Variants in DIAPH2 observed in about 807,000 individuals in gnomAD.
DIAPH2 encodes the protein diaphanous related formin 2.
Under a neutral mutation model 92.7 loss-of-function variants are expected in DIAPH2, and 35 were observed. The ratio of observed to expected loss-of-function variants is 0.38; its 90% CI spans 0.29 to 0.50. The LOEUF is 0.50. Ranked by LOEUF, DIAPH2 falls within the 20% of genes least tolerant of loss-of-function variation. The pLI, the probability that DIAPH2 is intolerant of heterozygous loss-of-function variation, is 0.94. For synonymous variants in DIAPH2, 301 were observed against 280.4 expected (o/e 1.07, Z -0.73); for missense variants, 701 against 819.5 (o/e 0.86, Z 1.77).
At chrX:97,211,013 GAAATATTGTTTTGCT>G (rs764090802) in intron 22 of DIAPH2, among the ~76,000 whole-genome samples, 24 of 111,771 alleles carry the variant, frequency 2.1e-4, no homozygotes, top group Non-Finnish European at 4.5e-4. Flanking sequence ...TTGACAAACT[GAAATATTGTTTTGCT>G]AAAATAGGCC....
At chrX:97,335,683 C>G (rs180834581) in intron 23 of DIAPH2, among the ~76,000 whole-genome samples, 1 of 111,978 alleles carries the variant, frequency 8.9e-6, no homozygotes, top group Non-Finnish European at 1.9e-5. Context: ...TATTTACATA[C>G]TGCATACTCT....
rs2069865156 is a variant in DIAPH2, at chrX:97,410,928, A to G, written c.3146-18722A>G. On this transcript the variant is annotated intron_variant, in intron 25 of 26. Coordinates refer to ENST00000324765, the MANE Select transcript of DIAPH2 (RefSeq NM_006729.5). ...TGTGAAAAGGCGAAATCTACATTTG[A>G]TTGGTGTACCTGAAAGTGACGGGGA... Among the ~76,000 whole-genome samples, 9 of 112,128 alleles carry G rather than the reference A, an allele frequency of 8.0e-5. No individual in the cohort carries two copies. In the South Asian group the frequency reaches 3.3e-3, roughly 42 times the overall value.
At chrX:97,369,975 G>A (rs2069429018) in intron 24 of DIAPH2, among the ~76,000 whole-genome samples, 1 of 111,405 alleles carries the variant, frequency 9.0e-6, no homozygotes, top group Non-Finnish European at 1.9e-5. Flanking sequence ...AGTGCTCTAG[G>A]TGGGTCTGGG....
chrX:97,494,787 C>T (rs2070747557), intron 26 of DIAPH2, among the ~76,000 whole-genome samples: 1 of 112,381 alleles, frequency 8.9e-6, no homozygotes, highest in Admixed American at 9.5e-5. Context: ...TCTTCTGAGG[C>T]AGGACAGAAT....
intron 3 of DIAPH2, among the ~76,000 whole-genome samples, chrX:96,745,047 C>G (rs1225291693): frequency 9.5e-6 from 1 of 105,569 alleles, no homozygotes; most frequent in Non-Finnish European, 1.9e-5. Flanking sequence ...GCTCTTGTTG[C>G]CCAGGCTGGA....
intron 26 of DIAPH2, among the ~76,000 whole-genome samples, chrX:97,542,888 A>G (rs2071151148): frequency 8.9e-6 from 1 of 112,203 alleles, no homozygotes; most frequent in South Asian, 3.7e-4. Context: ...TACTCAATAA[A>G]TAGGCTAAGA....
intron 15 of DIAPH2, among the ~76,000 whole-genome samples, chrX:96,957,167 C>T (rs1377624509): frequency 5.4e-5 from 6 of 112,070 alleles, no homozygotes; most frequent in East Asian, 5.6e-4. Context: ...ATTACAGGCA[C>T]GTGTCACCAT....
At chrX:97,043,550 G>A (rs10521496) in intron 17 of DIAPH2, among the ~76,000 whole-genome samples, 44,612 of 109,294 alleles carry the variant, frequency 0.41, 6,946 homozygotes, top group South Asian at 0.54. Flanking sequence ...CCTTTTGTGA[G>A]GGATAATTTT....
chrX:97,038,532 CTTTTTT>C (rs756037796), intron 17 of DIAPH2, among the ~76,000 whole-genome samples: 2 of 94,532 alleles, frequency 2.1e-5, no homozygotes. Context: ...TGTTTTTTGA[CTTTTTT>C]TTTTTTTTTT....
At chrX:97,170,718 T>C (rs2067445995) in intron 22 of DIAPH2, among the ~76,000 whole-genome samples, 1 of 111,749 alleles carries the variant, frequency 8.9e-6, no homozygotes, top group African/African-American at 3.3e-5. Context: ...TAAGAAAATA[T>C]TTTATATGGT....
intron 26 of DIAPH2, among the ~76,000 whole-genome samples, chrX:97,567,250 C>G (rs1234907279): frequency 8.9e-6 from 1 of 111,905 alleles, no homozygotes; most frequent in Admixed American, 9.5e-5. Flanking sequence ...AAGAATAAAT[C>G]TTTTCCTTAT....
intron 4 of DIAPH2, among the ~76,000 whole-genome samples, chrX:96,786,047 T>A (rs2064454572): frequency 9.0e-6 from 1 of 111,164 alleles, no homozygotes; most frequent in South Asian, 3.8e-4. Flanking sequence ...ATGAGTAGGG[T>A]CAAGTAGAAA....
At chrX:97,453,711 G>C (rs1435482465) in intron 26 of DIAPH2, among the ~76,000 whole-genome samples, 1 of 111,511 alleles carries the variant, frequency 9.0e-6, no homozygotes, top group African/African-American at 3.3e-5. Flanking sequence ...AATAATATAG[G>C]ATGATAAGGA....
chrX:97,474,535 C>T (rs895639141), intron 26 of DIAPH2, among the ~76,000 whole-genome samples: 1 of 111,386 alleles, frequency 9.0e-6, no homozygotes, highest in South Asian at 3.8e-4. Context: ...GAGGCCGAGG[C>T]GGGTAGATCA....
intron 4 of DIAPH2, among the ~76,000 whole-genome samples, chrX:96,775,385 GTGTGTGTA>G (rs2064370523): frequency 9.2e-6 from 1 of 108,406 alleles, no homozygotes; most frequent in Non-Finnish European, 1.9e-5. Context: ...GTGTGTGTGT[GTGTGTGTA>G]TACTTCCTCA....
intron 26 of DIAPH2, among the ~76,000 whole-genome samples, chrX:97,582,470 CT>C (rs759271284): frequency 4.0e-4 from 44 of 109,606 alleles, no homozygotes; most frequent in Non-Finnish European, 7.6e-4. Flanking sequence ...GTTGAAAATT[CT>C]TTTCTTTCTT....
At chrX:97,271,103 G>A (rs758740867) in intron 23 of DIAPH2, among the ~76,000 whole-genome samples, 1 of 110,836 alleles carries the variant, frequency 9.0e-6, no homozygotes, top group Non-Finnish European at 1.9e-5. Context: ...TTAAATCAGG[G>A]TTTAAATAAG....
At chrX:97,369,419 CTTGCTCTAT>C (rs2069420417) in intron 24 of DIAPH2, among the ~76,000 whole-genome samples, 1 of 66,603 alleles carries the variant, frequency 1.5e-5, no homozygotes, top group African/African-American at 3.7e-5. Flanking sequence ...TAAAGGTATG[CTTGCTCTAT>C]AACTTCATTG....
chrX:97,145,325 G>GTAGTAGTAGTAGTA (rs1569312319), intron 22 of DIAPH2, among the ~76,000 whole-genome samples: 1 of 13,562 alleles, frequency 7.4e-5, no homozygotes, highest in Non-Finnish European at 1.5e-4. Flanking sequence ...TAGTAGTAGT[G>GTAGTAGTAGTAGTA]GTAGTAGTAG....
Sources: allele counts gnomAD v4.1 joint callset (sites outside exome capture counted in the v4.1 genomes callset), GRCh38; gene constraint gnomAD v4.1.1; transcripts MANE v1.5; gene names NCBI Gene and HGNC (gene_info 2026-07-23, HGNC 2026-07-21).